Variants in GABRA3 observed in about 807,000 individuals in gnomAD.
GABRA3 encodes the protein gamma-aminobutyric acid receptor subunit alpha-3.
GABRA3 carries 10 observed loss-of-function variants against 30.1 expected under a neutral mutation model. That is an observed-to-expected ratio of 0.33 (90% CI 0.20 to 0.56). GABRA3 has a LOEUF of 0.56. Ranked by LOEUF, GABRA3 falls within the 20% of genes least tolerant of loss-of-function variation. GABRA3 has a pLI of 0.89. For synonymous variants in GABRA3, 151 were observed against 146.8 expected, an observed-to-expected ratio of 1.03 and a Z score of -0.21; for missense variants, 233 against 392.0, an observed-to-expected ratio of 0.59 and a Z score of 3.42.
At chrX:152,323,209 G>A (rs1939998325) in intron 3 of GABRA3, among the ~76,000 whole-genome samples, 1 of 111,359 alleles carries the variant, frequency 9.0e-6, no homozygotes, top group Admixed American at 9.6e-5. Flanking sequence ...AACCACTACC[G>A]AATTCTTTGG....
chrX:152,241,704 G>A (rs569779192), intron 5 of GABRA3, among the ~76,000 whole-genome samples: 1 of 109,092 alleles, frequency 9.2e-6, no homozygotes, highest in Admixed American at 9.7e-5. Context: ...ATATAGTCTC[G>A]TGGTGCGCCG....
intron 5 of GABRA3, among the ~76,000 whole-genome samples, chrX:152,239,047 G>C (rs1434768022): frequency 9.3e-6 from 1 of 107,286 alleles, no homozygotes; most frequent in East Asian, 3.0e-4. Flanking sequence ...TGTTGAATGT[G>C]TTTGCTCTTG....
At chrX:152,175,186 G>T (rs1218984082) in intron 9 of GABRA3, among the ~76,000 whole-genome samples, 3 of 111,359 alleles carry the variant, frequency 2.7e-5, no homozygotes, top group East Asian at 5.6e-4. Context: ...GCAGGCATAG[G>T]TTGAAGGAAC....
chrX:152,261,678 G>A (rs1480203323), intron 4 of GABRA3, among the ~76,000 whole-genome samples: 5 of 112,364 alleles, frequency 4.4e-5, no homozygotes, highest in Non-Finnish European at 7.5e-5. Context: ...CTGTGGCTTC[G>A]CAGGGTACAG....
At chrX:152,399,540 G>A (rs1287741238) in intron 1 of GABRA3, among the ~76,000 whole-genome samples, 1 of 111,839 alleles carries the variant, frequency 8.9e-6, no homozygotes, top group African/African-American at 3.2e-5. Context: ...AGAGAAATAA[G>A]AGGAGAGTGG....
At chrX:152,430,030 T>C (rs1224183222) in intron 1 of GABRA3, among the ~76,000 whole-genome samples, 2 of 112,294 alleles carry the variant, frequency 1.8e-5, no homozygotes, top group Admixed American at 9.4e-5. Flanking sequence ...TAGCCATTAT[T>C]TGAAGGAGAA....
At chrX:152,270,305 C>T (rs149609162) in intron 4 of GABRA3, among the ~76,000 whole-genome samples, 72 of 111,466 alleles carry the variant, frequency 6.5e-4, no homozygotes, top group African/African-American at 1.7e-3. Context: ...TGAAGAAGGA[C>T]GTGTTTGCTT....
intron 1 of GABRA3, among the ~76,000 whole-genome samples, chrX:152,370,488 G>A (rs1425300257): frequency 8.9e-6 from 1 of 112,103 alleles, no homozygotes; most frequent in African/African-American, 3.2e-5. Flanking sequence ...AAACATCTTA[G>A]TTTCAATTCT....
chrX:152,450,268 A>G (rs762450481), intron 1 of GABRA3, among the ~76,000 whole-genome samples: 1 of 110,200 alleles, frequency 9.1e-6, no homozygotes, highest in Admixed American at 9.8e-5. Context: ...ACCCGCAGCC[A>G]CAGCCACAGC....
intron 4 of GABRA3, among the ~76,000 whole-genome samples, chrX:152,264,981 G>A (rs1938798239): frequency 9.0e-6 from 1 of 111,554 alleles, no homozygotes; most frequent in Non-Finnish European, 1.9e-5. Flanking sequence ...CAATGCTGGA[G>A]CACCCAGAAA....
At chrX:152,425,950 C>T (rs1225195642) in intron 1 of GABRA3, among the ~76,000 whole-genome samples, 1 of 111,267 alleles carries the variant, frequency 9.0e-6, no homozygotes, top group Non-Finnish European at 1.9e-5. Flanking sequence ...AATCCCATCT[C>T]CTTTGCTTTC....
At chrX:152,259,066 C>T (rs189506100) in intron 4 of GABRA3, among the ~76,000 whole-genome samples, 1 of 111,737 alleles carries the variant, frequency 8.9e-6, no homozygotes, top group East Asian at 2.8e-4. Context: ...TGTACACTGA[C>T]GAGGGGGAGA....
intron 1 of GABRA3, among the ~76,000 whole-genome samples, chrX:152,449,877 T>C (rs749284433): frequency 8.9e-6 from 1 of 112,181 alleles, no homozygotes; most frequent in South Asian, 3.7e-4. Context: ...AAACCAAAGA[T>C]AATAATAGTG....
At chrX:152,301,545 C>CT (rs1939630967) in intron 3 of GABRA3, among the ~76,000 whole-genome samples, 1 of 110,456 alleles carries the variant, frequency 9.1e-6, no homozygotes, top group Non-Finnish European at 1.9e-5. Context: ...TTTCTTTTTT[C>CT]TTTTTGAGAC....
At chrX:152,353,597 G>A (rs1265894076) in intron 2 of GABRA3, among the ~76,000 whole-genome samples, 1 of 111,663 alleles carries the variant, frequency 9.0e-6, no homozygotes, top group African/African-American at 3.3e-5. Flanking sequence ...CACTGTTTAT[G>A]TGGAAAGACA....
At chrX:152,406,243 T>G (rs773879037) in intron 1 of GABRA3, among the ~76,000 whole-genome samples, 1 of 110,673 alleles carries the variant, frequency 9.0e-6, no homozygotes, top group Non-Finnish European at 1.9e-5. Context: ...TAATAACCTT[T>G]AATGTAAATG....
rs1192752489 is a variant in GABRA3, at chrX:152,238,389, T to G, written c.552-13544A>C. On this transcript the variant is annotated intron_variant, in intron 5 of 9. Transcript: ENST00000370314. Reference sequence around the variant, plus strand: ...GCTTTTTGATGTGCTGCTGGATTCGTTTTGCCAGTATTTTATTGAGGATTT... The same window carrying G: ...GCTTTTTGATGTGCTGCTGGATTCGGTTTGCCAGTATTTTATTGAGGATTT... Among the ~76,000 whole-genome samples, 419 of 103,218 alleles carry G rather than the reference T, an allele frequency of 4.1e-3. 5 individuals carry two copies. Among genetic ancestry groups the G allele is most frequent in the African/African-American group, 0.012 (338 of 27,047 alleles). 89.6% of individuals were successfully genotyped at this position (103,218 alleles called of 115,157 possible).
intron 5 of GABRA3, among the ~76,000 whole-genome samples, chrX:152,229,555 A>G (rs1029370372): frequency 4.5e-5 from 5 of 110,579 alleles, no homozygotes; most frequent in African/African-American, 1.6e-4. Flanking sequence ...CTGGGGAAAG[A>G]GCATTCAAGT....
At chrX:152,274,744 G>T (rs913033483) in intron 4 of GABRA3, among the ~76,000 whole-genome samples, 2 of 109,325 alleles carry the variant, frequency 1.8e-5, no homozygotes, top group South Asian at 3.9e-4. Context: ...TATACCTCAG[G>T]AAACCAAAAG....
Sources: gnomAD v4.1 joint callset for allele counts (sites outside exome capture counted in the v4.1 genomes callset) on GRCh38, gnomAD v4.1.1 for gene constraint, MANE v1.5 for transcripts, NCBI Gene and HGNC (gene_info 2026-07-23, HGNC 2026-07-21) for gene names.